The following ASAP1 variants were observed in gnomAD, a reference collection of about 807,000 sequenced individuals.
ASAP1 encodes arf-GAP with SH3 domain, ANK repeat and PH domain-containing protein 1.
ASAP1 carries 43 observed loss-of-function variants against 145.2 expected under a neutral mutation model. That is an observed-to-expected ratio of 0.30 (90% CI 0.23 to 0.38). The LOEUF (loss-of-function observed/expected upper bound fraction) is 0.38. Among genes scored for constraint, ASAP1 ranks in the 10% least tolerant of loss-of-function variants. The pLI is 1.00. For missense variants in ASAP1, 1,018 were observed against 1,355.3 expected, an observed-to-expected ratio of 0.75 and a Z score of 3.91; for synonymous variants, 546 against 515.5, an observed-to-expected ratio of 1.06 and a Z score of -0.80.
intron 3 of ASAP1, among the ~76,000 whole-genome samples, chr8:130,355,215 C>T (rs574946028): frequency 6.6e-6 from 1 of 152,294 alleles, no homozygotes; most frequent in Admixed American, 6.5e-5. Flanking sequence ...TCCAAGAGTG[C>T]TCATCACAGA....
At chr8:130,351,565 C>T (rs140961379) in intron 3 of ASAP1, among the ~76,000 whole-genome samples, 368 of 152,172 alleles carry the variant, frequency 2.4e-3, no homozygotes, top group African/African-American at 8.7e-3. Flanking sequence ...TTGGCTTCTG[C>T]GGATGCCTCA....
intron 10 of ASAP1, 115 bp downstream of exon 10, chr8:130,168,877 C>T: frequency 1.6e-6 from 1 of 638,562 alleles, no homozygotes; most frequent in Non-Finnish European, 2.7e-6. Flanking sequence ...TAGGTTTGTA[C>T]AGACATATCA....
At chr8:130,259,445 T>A (rs1819761746) in intron 3 of ASAP1, among the ~76,000 whole-genome samples, 1 of 152,216 alleles carries the variant, frequency 6.6e-6, no homozygotes, top group Non-Finnish European at 1.5e-5. Flanking sequence ...GAGACTACAC[T>A]GAAATCACCC....
At chr8:130,198,715 A>G (rs1231279783) in intron 5 of ASAP1, among the ~76,000 whole-genome samples, 2 of 152,196 alleles carry the variant, frequency 1.3e-5, no homozygotes, top group African/African-American at 4.8e-5. Context: ...CCAAGGTCAA[A>G]CAGTGAGTAA....
At chr8:130,221,520 C>T (rs1000509244) in intron 4 of ASAP1, among the ~76,000 whole-genome samples, 4 of 152,122 alleles carry the variant, frequency 2.6e-5, no homozygotes, top group African/African-American at 9.7e-5. Flanking sequence ...TAATTTACTG[C>T]CCTATAATTC....
At chr8:130,196,718 C>A (rs1258443151) in intron 5 of ASAP1, among the ~76,000 whole-genome samples, 1 of 152,188 alleles carries the variant, frequency 6.6e-6, no homozygotes, top group Non-Finnish European at 1.5e-5. Context: ...ATAACTGAAA[C>A]AGTTTCTCTG....
At chr8:130,121,821 G>GATC (rs1294985480) in intron 18 of ASAP1, among the ~76,000 whole-genome samples, 2 of 101,750 alleles carry the variant, frequency 2.0e-5, no homozygotes, top group African/African-American at 6.9e-5. Context: ...AAGAACATAC[G>GATC]ATCAATTTAG....
At chr8:130,131,605 A>G (rs1378376133) in intron 15 of ASAP1, among the ~76,000 whole-genome samples, 3 of 60,622 alleles carry the variant, frequency 4.9e-5, no homozygotes, top group East Asian at 1.3e-3. Context: ...TGGCTACTGA[A>G]AAAAAAAAAA....
intron 1 of ASAP1, among the ~76,000 whole-genome samples, chr8:130,426,118 GGT>G (rs1166009272): frequency 3.3e-5 from 5 of 152,084 alleles, no homozygotes; most frequent in Non-Finnish European, 7.4e-5. Context: ...TGTTTCTAAT[GGT>G]TTAGCACCAT....
chr8:130,371,253 T>C (rs1326812000), intron 2 of ASAP1, among the ~76,000 whole-genome samples: 2 of 152,134 alleles, frequency 1.3e-5, no homozygotes, highest in African/African-American at 4.8e-5. Flanking sequence ...CTCAGAGAGG[T>C]TAAGTGCTAG....
At chr8:130,345,524 T>C (rs1825656195) in intron 3 of ASAP1, among the ~76,000 whole-genome samples, 1 of 152,124 alleles carries the variant, frequency 6.6e-6, no homozygotes, top group African/African-American at 2.4e-5. Context: ...TACTTGCACT[T>C]TGCAGCTAAA....
chr8:130,082,979 T>C (rs2097484671), intron 25 of ASAP1: 1 of 152,246 alleles, frequency 6.6e-6, no homozygotes, highest in Admixed American at 6.5e-5. Flanking sequence ...ATTTTATGTT[T>C]GGGGAATGAA....
chr8:130,316,755 T>A (rs1823685202), intron 3 of ASAP1, among the ~76,000 whole-genome samples: 1 of 152,256 alleles, frequency 6.6e-6, no homozygotes, highest in South Asian at 2.1e-4. Flanking sequence ...AAACCTGGCA[T>A]TCCAGGCCTA....
intron 2 of ASAP1, among the ~76,000 whole-genome samples, chr8:130,374,982 T>C (rs1586931827): frequency 6.6e-6 from 1 of 152,182 alleles, no homozygotes; most frequent in African/African-American, 2.4e-5. Flanking sequence ...ATCTGCCTCT[T>C]AGCAAAGTCA....
At chr8:130,288,095 G>C (rs1213878804) in intron 3 of ASAP1, among the ~76,000 whole-genome samples, 1 of 152,296 alleles carries the variant, frequency 6.6e-6, no homozygotes, top group East Asian at 1.9e-4. Flanking sequence ...CCTGGCAGGA[G>C]CTCCAGCTAC....
chr8:130,098,695 G>T (rs537740964), intron 24 of ASAP1, among the ~76,000 whole-genome samples: 1 of 152,276 alleles, frequency 6.6e-6, no homozygotes, highest in Non-Finnish European at 1.5e-5. Flanking sequence ...AGGATACATA[G>T]TGATATTTCA....
chr8:130,123,298 T>A (rs898332117), intron 18 of ASAP1, among the ~76,000 whole-genome samples: 1 of 152,226 alleles, frequency 6.6e-6, no homozygotes, highest in African/African-American at 2.4e-5. Context: ...GGCAATATTA[T>A]GAGACAGAAT....
intron 5 of ASAP1, among the ~76,000 whole-genome samples, chr8:130,204,266 C>A (rs545197875): frequency 6.6e-6 from 1 of 152,154 alleles, no homozygotes; most frequent in Admixed American, 6.5e-5. Flanking sequence ...CTCAAATCAT[C>A]CCGAAACCAT....
intron 3 of ASAP1, among the ~76,000 whole-genome samples, chr8:130,324,886 GGTGC>G (rs1272824374): frequency 6.6e-5 from 10 of 152,166 alleles, no homozygotes; most frequent in African/African-American, 2.4e-4. Flanking sequence ...ATGAGCATCT[GGTGC>G]AAGAAGCAGG....
Sources: gnomAD v4.1 joint callset for allele counts (sites outside exome capture counted in the v4.1 genomes callset) on GRCh38, gnomAD v4.1.1 for gene constraint, MANE v1.5 for transcripts, NCBI Gene and HGNC (gene_info 2026-07-23, HGNC 2026-07-21) for gene names.